USP49: variants seen among roughly 807,000 people sequenced by gnomAD.
USP49 encodes the protein ubiquitin specific peptidase 49, also known as ubiquitin carboxyl-terminal hydrolase 49.
Under a neutral mutation model 58.6 loss-of-function variants are expected in USP49, and 24 were observed. The ratio of observed to expected loss-of-function variants is 0.41; its 90% CI spans 0.30 to 0.58. The LOEUF is 0.58. USP49 is among the 20% of genes least tolerant of loss of function. The probability of loss-of-function intolerance (pLI) is 0.30; values close to 1 mark genes in which losing one functional copy is unlikely to be tolerated. For synonymous variants in USP49, 408 were observed against 365.1 expected, an observed-to-expected ratio of 1.12 and a Z score of -1.34; for missense variants, 703 against 866.1, an observed-to-expected ratio of 0.81 and a Z score of 2.36.
intron 7 of USP49, chr6:41,797,659 T>C (rs543494629): frequency 5.8e-5 from 57 of 985,890 alleles, no homozygotes; most frequent in Non-Finnish European, 1.2e-5. Flanking sequence ...TGTTCTCGGC[T>C]TTATTATAAG....
intron 3 of USP49, among the ~76,000 whole-genome samples, chr6:41,839,887 G>C (rs939589081): frequency 1.3e-5 from 2 of 152,060 alleles, no homozygotes; most frequent in Non-Finnish European, 2.9e-5. Flanking sequence ...AGTAGGTACA[G>C]TGAATACTGC....
intron 3 of USP49, among the ~76,000 whole-genome samples, chr6:41,821,866 T>C (rs1773458596): frequency 6.6e-6 from 1 of 152,200 alleles, no homozygotes; most frequent in Non-Finnish European, 1.5e-5. Context: ...AAATTATATA[T>C]TTAAAAATCC....
chr6:41,837,273 T>C (rs1582012350), intron 3 of USP49, among the ~76,000 whole-genome samples: 1 of 152,014 alleles, frequency 6.6e-6, no homozygotes, highest in African/African-American at 2.4e-5. Context: ...CACAGTCCAA[T>C]GGAACAGAAT....
At chr6:41,840,728 TGTCAAA>T (rs1438930426) in intron 3 of USP49, among the ~76,000 whole-genome samples, 4 of 152,244 alleles carry the variant, frequency 2.6e-5, no homozygotes, top group Non-Finnish European at 5.9e-5. Flanking sequence ...TAATATAATT[TGTCAAA>T]GTCTTAGCCC....
At chr6:41,816,048 C>T (rs186605516) in intron 3 of USP49, among the ~76,000 whole-genome samples, 42 of 152,332 alleles carry the variant, frequency 2.8e-4, no homozygotes, top group Non-Finnish European at 4.9e-4. Context: ...GAACACCTGA[C>T]GTGGCACAAA....
rs1202786550 is a variant in USP49, at chr6:41,803,083, G to A, written c.1561+723C>T. The stretch of plus-strand genomic sequence containing the variant: ...TACAAAAGCTTGCTTTTCTGATATC[G>A]CACCCTTCAGAAAGGCTATACCATC... On this transcript the variant is annotated intron_variant, in intron 5 of 7. Coordinates refer to ENST00000682992, the MANE Select transcript of USP49 (RefSeq NM_001286554.2). The surrounding 1 kb of genome is among the most constrained non-coding windows in gnomAD (Gnocchi z 4.1). Among the ~76,000 whole-genome samples the A allele has an allele frequency of 3.9e-5, 6 of 151,966 alleles. No individual in the cohort carries two copies. The highest frequency in any genetic ancestry group is 2.9e-5 in the Non-Finnish European group (2 of 68,010).
rs547746113 is a variant in USP49 at position 41,796,575 on chromosome 6, C to G, written c.2025G>C (p.Gln675His). 5.4e-5 allele frequency: 39 copies of G among 717,492 alleles called. 1 individual carries two copies. In the South Asian group the frequency reaches 5.6e-4, roughly 10 times the overall value. 44.4% of individuals were successfully genotyped at this position (717,492 alleles called of 1,614,324 possible). A position where few individuals can be genotyped will look rare whatever the true frequency, so the allele number is the denominator to read the frequency against. Residue 675 changes from glutamine (Q) to histidine (H), a missense_variant, in exon 8 of 8, where the codon CAG (glutamine) becomes CAC (histidine). Gln to His is a conservative substitution (Grantham distance 24, BLOSUM62 0). Around this residue, in one of 6 missense-constraint regions of USP49, gnomAD observed 158 missense variants for 241.2 expected, o/e 0.66. Coordinates refer to ENST00000682992, the MANE Select transcript of USP49 (RefSeq NM_001286554.2). The stretch of plus-strand genomic sequence containing the variant: ...GTCTGCCTTCATCATTGTTGCTGGA[C>G]TGCACCTGAGCTTGGAGATGGGTTT... The part of the protein sequence containing the change: ...ISETHLQAQV[Q>H]SSNNDEGRPQ...
intron 3 of USP49, among the ~76,000 whole-genome samples, chr6:41,842,389 A>G (rs1246560350): frequency 1.3e-5 from 2 of 152,148 alleles, no homozygotes; most frequent in Non-Finnish European, 2.9e-5. Context: ...AAAACAAAAC[A>G]AAAAAACACA....
chr6:41,885,237 A>G (rs1373429181), intron 2 of USP49, among the ~76,000 whole-genome samples: 1 of 152,248 alleles, frequency 6.6e-6, no homozygotes, highest in Non-Finnish European at 1.5e-5. Context: ...CATGCTGCTA[A>G]CAAAAACTGA....
intron 2 of USP49, among the ~76,000 whole-genome samples, chr6:41,879,210 C>G (rs1261851944): frequency 6.6e-6 from 1 of 152,114 alleles, no homozygotes; most frequent in African/African-American, 2.4e-5. Flanking sequence ...GCCTGGCTAA[C>G]ATAACGAGAC....
intron 3 of USP49, among the ~76,000 whole-genome samples, chr6:41,856,123 C>T (rs1364068917): frequency 2.0e-5 from 3 of 151,924 alleles, no homozygotes; most frequent in African/African-American, 7.2e-5. Flanking sequence ...CCTGTAATCC[C>T]AGCACTTTGG....
intron 3 of USP49, among the ~76,000 whole-genome samples, chr6:41,868,232 A>G (rs1203402165): frequency 6.6e-6 from 1 of 152,244 alleles, no homozygotes; most frequent in Non-Finnish European, 1.5e-5. Context: ...GACAGGATGA[A>G]ATGAGATAAT....
chr6:41,811,313 G>T (rs1050189312), intron 3 of USP49, among the ~76,000 whole-genome samples: 3 of 152,132 alleles, frequency 2.0e-5, no homozygotes, highest in Non-Finnish European at 2.9e-5. Flanking sequence ...TGAGGTTTCG[G>T]TCACCTGTGG....
At chr6:41,892,938 AC>A (rs1774834287) in intron 1 of USP49, among the ~76,000 whole-genome samples, 1 of 152,210 alleles carries the variant, frequency 6.6e-6, no homozygotes, top group African/African-American at 2.4e-5. Flanking sequence ...AATCATTAAA[AC>A]AAAATTCTAA....
At chr6:41,894,030 C>T (rs1336492917) in intron 1 of USP49, 1 of 152,406 alleles carries the variant, frequency 6.6e-6, no homozygotes, top group African/African-American at 2.4e-5. Flanking sequence ...GAGCAACTCC[C>T]CATAACACGC....
intron 2 of USP49, among the ~76,000 whole-genome samples, chr6:41,890,927 T>C (rs1774800818): frequency 6.6e-6 from 1 of 152,206 alleles, no homozygotes; most frequent in South Asian, 2.1e-4. Context: ...GAATCTGCAA[T>C]GCAATAAGGC....
chr6:41,878,089 C>A (rs918390043), intron 2 of USP49, among the ~76,000 whole-genome samples: 1 of 152,050 alleles, frequency 6.6e-6, no homozygotes, highest in Non-Finnish European at 1.5e-5. Flanking sequence ...TCCAAAAGAG[C>A]TGCAAAGATC....
Position 41,810,332 on chromosome 6 carries a change from C to CA in USP49, c.-28-3322dup, listed in dbSNP as rs1295541999. On this transcript the variant is annotated intron_variant, in intron 3 of 7. Coordinates refer to ENST00000682992, the MANE Select transcript of USP49 (RefSeq NM_001286554.2). ...CCCGTCTCTACTAAAAAAAAAAACACAAAAAAAATTAGCCAGGTGTGGTGG... is the reference window on the plus strand; with the variant it reads ...CCCGTCTCTACTAAAAAAAAAAACACAAAAAAAAATTAGCCAGGTGTGGTGG... Among the ~76,000 whole-genome samples the CA allele has an allele frequency of 2.8e-3, 397 of 144,352 alleles. 2 individuals are homozygous for CA. The highest frequency in any genetic ancestry group is 9.6e-3 in the African/African-American group (369 of 38,592). 94.7% of individuals were successfully genotyped at this position (144,352 alleles called of 152,430 possible).
chr6:41,798,467 G>C (rs1387663315), intron 7 of USP49: 1 of 961,112 alleles, frequency 1.0e-6, no homozygotes, highest in African/African-American at 1.7e-5. Context: ...GTAGAGACGG[G>C]GTTTAACCAT....
Sources: gnomAD v4.1 joint callset for allele counts (sites outside exome capture counted in the v4.1 genomes callset) on GRCh38, gnomAD v4.1.1 for gene constraint, gnomAD v4.1.1 regional missense constraint, Gnocchi (gnomAD v3.1) non-coding constraint, MANE v1.5 for transcripts, NCBI Gene and HGNC (gene_info 2026-07-23, HGNC 2026-07-21) for gene names.